Variants in ATP6V1C1 observed in about 807,000 individuals in gnomAD.
ATP6V1C1 encodes the protein ATPase H+ transporting V1 subunit C1.
Under a neutral mutation model 53.9 loss-of-function variants are expected in ATP6V1C1, and 45 were observed. The ratio of observed to expected loss-of-function variants is 0.83; its 90% CI spans 0.66 to 1.07. The LOEUF is 1.07. Among genes scored for constraint, ATP6V1C1 ranks in the 50% least tolerant of loss-of-function variants. The pLI is 0.00. For synonymous variants in ATP6V1C1, 153 were observed against 155.2 expected, an observed-to-expected ratio of 0.99 and a Z score of 0.11; for missense variants, 315 against 440.3, an observed-to-expected ratio of 0.72 and a Z score of 2.55.
chr8:103,047,464 A>ACACACACACACACACATT (rs137856477), intron 3 of ATP6V1C1, among the ~76,000 whole-genome samples: 1 of 125,604 alleles, frequency 8.0e-6, no homozygotes, highest in African/African-American at 2.9e-5. Context: ...ACACACACAC[A>ACACACACACACACACATT]TTTTTTTTTT....
chr8:103,044,944 T>A (rs908784188), intron 3 of ATP6V1C1, among the ~76,000 whole-genome samples: 1 of 152,244 alleles, frequency 6.6e-6, no homozygotes, highest in Non-Finnish European at 1.5e-5. Flanking sequence ...CAGTTTTTAT[T>A]ACTTTTGAAA....
intron 3 of ATP6V1C1, among the ~76,000 whole-genome samples, chr8:103,045,405 C>T (rs935714897): frequency 3.9e-5 from 6 of 152,126 alleles, no homozygotes; most frequent in Non-Finnish European, 2.9e-5. Context: ...GGCCACTTAG[C>T]AGTTTCACAG....
At chr8:103,032,809 A>G (rs997728870) in intron 1 of ATP6V1C1, among the ~76,000 whole-genome samples, 6 of 152,214 alleles carry the variant, frequency 3.9e-5, no homozygotes, top group Non-Finnish European at 7.3e-5. Context: ...TACATTGATC[A>G]TTCAACTTAG....
intron 1 of ATP6V1C1, among the ~76,000 whole-genome samples, chr8:103,028,489 A>G (rs1206273847): frequency 6.6e-6 from 1 of 152,176 alleles, no homozygotes; most frequent in Non-Finnish European, 1.5e-5. Context: ...AATATACTGT[A>G]TAATCATAGA....
In ATP6V1C1 at chr8:103,048,927, A is replaced by G. The variant is rs1275546439; in HGVS notation, c.258A>G (p.Lys86=). The G allele has an allele frequency of 6.2e-7, 1 of 1,613,242 alleles. No individual in the cohort carries two copies. The highest frequency in any genetic ancestry group is 8.5e-7 in the Non-Finnish European group (1 of 1,179,676). The change falls in exon 4 of 13, where the codon AAA becomes AAG. Residue 86 remains lysine, a synonymous_variant. Transcript: ENST00000518738. ...ATGTATTGGAAGATAGCAAAGACAA[A>G]GTTCAAGAGAATCTGTTGGCTAATG... ...MADVLEDSKD[K]VQENLLANGV...
chr8:103,041,535 ATGAG>A (rs147866678), intron 2 of ATP6V1C1, among the ~76,000 whole-genome samples: 39,127 of 151,914 alleles, frequency 0.26, 5,788 homozygotes, highest in Admixed American at 0.38. Flanking sequence ...GGTTAACTGA[ATGAG>A]GGAGTCGTAG....
intron 1 of ATP6V1C1, among the ~76,000 whole-genome samples, chr8:103,028,421 G>T (rs1816735718): frequency 6.6e-6 from 1 of 152,184 alleles, no homozygotes; most frequent in Non-Finnish European, 1.5e-5. Context: ...CTGTTTTGGT[G>T]AGTTGTTCAG....
chr8:103,055,876 A>G lies in ATP6V1C1; in HGVS notation c.581A>G (p.His194Arg), dbSNP rs776672531. ...TLLVVVPKLN[H>R]NDWIKQYETL... Reference sequence around the variant, plus strand: ...TTGTACCTTTTCTGCAGGTTAAACCACAACGACTGGATTAAGCAGTATGAA... The same window carrying G: ...TTGTACCTTTTCTGCAGGTTAAACCGCAACGACTGGATTAAGCAGTATGAA... The change falls in exon 8 of 13, where the codon CAC (histidine) becomes CGC (arginine). Residue 194 changes from histidine to arginine, a missense_variant. Physicochemically the swap from His to Arg is conservative, Grantham distance 29. Transcript: ENST00000518738. The G allele has an allele frequency of 1.2e-5, 19 of 1,612,134 alleles. No individual in the cohort carries two copies. The highest frequency in any genetic ancestry group is 1.6e-5 in the Non-Finnish European group (19 of 1,178,504).
In ATP6V1C1 at chr8:103,068,757, C is replaced by G. The variant is rs374231753; in HGVS notation, c.*10C>G. 5.6e-6 allele frequency: 9 copies of G among 1,598,960 alleles called. No homozygotes were observed. In the African/African-American group the frequency reaches 1.2e-4, roughly 21 times the overall value. On this transcript the variant is annotated 3_prime_UTR_variant, in exon 13 of 13. Coordinates refer to ENST00000518738, the MANE Select transcript of ATP6V1C1 (RefSeq NM_001695.5). ...GCTGGAATTCAAGTGAAAATGGGCT[C>G]CTCCCCCGACAATCCTGTCCTTGTG... is the stretch of plus-strand genomic sequence containing the variant.
rs776714665 is a variant in ATP6V1C1 at position 103,072,471 on chromosome 8, A to G, written c.*3724A>G. ...TGATTATCTTCTTCTGTTAATGTCA[A>G]TAAAAGATGGTTTGTCCTAGAAGGT... is the stretch of plus-strand genomic sequence containing the variant. On this transcript the variant is annotated 3_prime_UTR_variant, in exon 13 of 13. Transcript: ENST00000518738. 8.5e-5 allele frequency: 13 copies of G among 152,254 alleles called. No individual in the cohort carries two copies. Among genetic ancestry groups the G allele is most frequent in the African/African-American group, 2.7e-4 (11 of 41,472 alleles). 9.4% of individuals were successfully genotyped at this position (152,254 alleles called of 1,614,324 possible). A position where few individuals can be genotyped will look rare whatever the true frequency, so the allele number is the denominator to read the frequency against.
At chr8:103,057,607 C>T (rs1817312943) in intron 8 of ATP6V1C1, among the ~76,000 whole-genome samples, 3 of 152,172 alleles carry the variant, frequency 2.0e-5, no homozygotes, top group African/African-American at 7.2e-5. Context: ...CTATTTCCTG[C>T]CTCAGTTCTG....
rs1344128482 is a variant in ATP6V1C1 at position 103,048,918 on chromosome 8, C to T, written c.249C>T (p.Ser83=). 1.2e-6 allele frequency: 2 copies of T among 1,613,146 alleles called. No individual in the cohort carries two copies. The highest frequency in any genetic ancestry group is 8.5e-7 in the Non-Finnish European group (1 of 1,179,602). ...AQYMADVLED[S]KDKVQENLLA... ...ACATGGCTGATGTATTGGAAGATAG[C>T]AAAGACAAAGTTCAAGAGAATCTGT... Residue 83 remains serine, a synonymous_variant, in exon 4 of 13, where the codon AGC becomes AGT. Transcript: ENST00000518738.
intron 1 of ATP6V1C1, among the ~76,000 whole-genome samples, chr8:103,030,355 C>A (rs141622170): frequency 2.6e-4 from 39 of 152,112 alleles, no homozygotes; most frequent in African/African-American, 9.2e-4. Flanking sequence ...TGGCTGAATC[C>A]CTGCATAGAA....
In ATP6V1C1 at chr8:103,042,289, T is replaced by G. The variant is rs1393830430; in HGVS notation, c.133-51T>G. On this transcript the variant is annotated intron_variant, in intron 2 of 12. Transcript: ENST00000518738. Reference sequence around the variant, plus strand: ...TAGGTCAAGATGAATCATCTTGTTTTTTTTTTTTAAAAAAGCATGCCACCT... The same window carrying G: ...TAGGTCAAGATGAATCATCTTGTTTGTTTTTTTTAAAAAAGCATGCCACCT... The G allele has an allele frequency of 3.2e-6, 5 of 1,549,086 alleles. No individual in the cohort carries two copies. In the South Asian group the frequency reaches 4.7e-5, roughly 14 times the overall value.
intron 3 of ATP6V1C1, among the ~76,000 whole-genome samples, chr8:103,044,952 A>G (rs1817068825): frequency 6.6e-6 from 1 of 152,168 alleles, no homozygotes; most frequent in African/African-American, 2.4e-5. Flanking sequence ...ATTACTTTTG[A>G]AATTCAGGTA....
Position 103,048,873 on chromosome 8 carries a change from G to T in ATP6V1C1, c.204G>T (p.Val68=), listed in dbSNP as rs1233226266. ...GTTGATATTTTTTCTTCCCCAGAGT[G>T]GTTAAGAAAGTAGCTCAATACATGG... ...LAKLDAFVEG[V]VKKVAQYMAD... is the part of the protein sequence containing the mutation. Residue 68 remains valine (V), a synonymous_variant, in exon 4 of 13, where the codon GTG becomes GTT. Coordinates refer to ENST00000518738, the MANE Select transcript of ATP6V1C1 (RefSeq NM_001695.5). 6.2e-7 allele frequency: 1 copy of T among 1,612,534 alleles called. No individual in the cohort carries two copies. Among genetic ancestry groups the T allele is most frequent in the Admixed American group, 1.7e-5 (1 of 59,934 alleles).
chr8:103,066,399 A>G lies in ATP6V1C1; in HGVS notation c.1005A>G (p.Leu335=), dbSNP rs1421155852. 1 of 1,613,392 alleles carries G rather than the reference A, an allele frequency of 6.2e-7. No individual in the cohort carries two copies. Among genetic ancestry groups the G allele is most frequent in the Non-Finnish European group, 8.5e-7 (1 of 1,179,784 alleles). The change falls in exon 12 of 13, where the codon TTA becomes TTG. Residue 335 remains leucine, a synonymous_variant. Transcript: ENST00000518738. The part of the protein sequence containing the change: ...KKTLKKLREV[L]HELYKHLDSS... ...CTTTGAAGAAACTGAGAGAAGTATT[A>G]CATGAATTGTATAAACATCTAGACA...
chr8:103,042,541 A>G, intron 3 of ATP6V1C1, 134 bp downstream of exon 3: 4 of 747,416 alleles, frequency 5.4e-6, no homozygotes, highest in African/African-American at 1.8e-5. Flanking sequence ...TTCCCTTCGT[A>G]TATCAATTTT....
intron 10 of ATP6V1C1, 101 bp downstream of exon 10, chr8:103,063,329 A>C: frequency 1.3e-6 from 1 of 786,994 alleles, no homozygotes; most frequent in Non-Finnish European, 2.0e-6. Flanking sequence ...CTTTGGTTTT[A>C]AGACATTTGA....
Sources: allele counts gnomAD v4.1 joint callset (sites outside exome capture counted in the v4.1 genomes callset), GRCh38; gene constraint gnomAD v4.1.1; transcripts MANE v1.5; gene names NCBI Gene and HGNC (gene_info 2026-07-23, HGNC 2026-07-21).